FHOD3: variants seen among roughly 807,000 people sequenced by gnomAD.
FHOD3 encodes the protein FH1/FH2 domain-containing protein 3.
FHOD3 carries 90 observed loss-of-function variants against 173.0 expected under a neutral mutation model. The observed-to-expected ratio is 0.52, with a 90% CI of 0.44 to 0.62. The LOEUF (loss-of-function observed/expected upper bound fraction) is 0.62. FHOD3 is among the 20% of genes least tolerant of loss of function. The pLI, the probability that FHOD3 is intolerant of heterozygous loss-of-function variation, is 0.00. For missense variants in FHOD3, 1,945 were observed against 2,034.7 expected (o/e 0.96, Z 0.85); for synonymous variants, 828 against 823.0 (o/e 1.01, Z -0.10).
At chr18:36,544,190 T>C (rs1442424536) in intron 5 of FHOD3, among the ~76,000 whole-genome samples, 4 of 152,200 alleles carry the variant, frequency 2.6e-5, no homozygotes, top group Admixed American at 1.3e-4. Context: ...GCAGGGCTTC[T>C]GGGCAGACTG....
chr18:36,678,794 C>A (rs546420810), intron 14 of FHOD3, among the ~76,000 whole-genome samples: 1 of 151,996 alleles, frequency 6.6e-6, no homozygotes, highest in Non-Finnish European at 1.5e-5. Context: ...TCTTACATTA[C>A]CCTTACATTT....
chr18:36,549,248 CTT>C (rs769693182), intron 5 of FHOD3, among the ~76,000 whole-genome samples: 1 of 152,058 alleles, frequency 6.6e-6, no homozygotes, highest in East Asian at 1.9e-4. Context: ...TTGTTCAACT[CTT>C]TTTGCCAATT....
intron 24 of FHOD3, among the ~76,000 whole-genome samples, chr18:36,751,464 T>C (rs1334422500): frequency 1.3e-5 from 2 of 152,222 alleles, no homozygotes; most frequent in Non-Finnish European, 2.9e-5. Flanking sequence ...GAATGCGCTT[T>C]ATTTCTCCTT....
chr18:36,683,076 C>A (rs1487256822), intron 15 of FHOD3, among the ~76,000 whole-genome samples: 2 of 152,190 alleles, frequency 1.3e-5, no homozygotes, highest in Non-Finnish European at 2.9e-5. Flanking sequence ...CATTTCCCAT[C>A]AAGATAGTGT....
At chr18:36,654,884 G>A (rs1251587851) in intron 13 of FHOD3, among the ~76,000 whole-genome samples, 1 of 152,046 alleles carries the variant, frequency 6.6e-6, no homozygotes, top group Non-Finnish European at 1.5e-5. Context: ...AGGTGATTTT[G>A]GAAGGAGAAG....
At chr18:36,298,769 T>C (rs1460327836) in intron 1 of FHOD3, among the ~76,000 whole-genome samples, 1 of 151,890 alleles carries the variant, frequency 6.6e-6, no homozygotes, top group Non-Finnish European at 1.5e-5. Flanking sequence ...GTTTTTTTTT[T>C]TTTATTTGTT....
In FHOD3 at chr18:36,347,226, T is replaced by C. The variant is rs553150536; in HGVS notation, c.166-8313T>C. On this transcript the variant is annotated intron_variant, in intron 1 of 28. Transcript: ENST00000590592. ...AAATGGCAAAAGGTGCCTATAGACATAAGTAAAAAATATATTCCAGCTTTT... is the reference window on the plus strand; with the variant it reads ...AAATGGCAAAAGGTGCCTATAGACACAAGTAAAAAATATATTCCAGCTTTT... 6.4e-4 allele frequency among the ~76,000 whole-genome samples: 98 copies of C among 152,340 alleles called. 1 individual carries two copies. Among genetic ancestry groups the C allele is most frequent in the South Asian group, 1.0e-3 (5 of 4,830 alleles).
At chr18:36,594,061 C>T (rs1002961637) in intron 6 of FHOD3, among the ~76,000 whole-genome samples, 5 of 152,214 alleles carry the variant, frequency 3.3e-5, no homozygotes, top group Admixed American at 6.5e-5. Flanking sequence ...CCAAGGCTGC[C>T]GCAGCCCCAG....
chr18:36,755,165 C>T lies in FHOD3; in HGVS notation c.4279C>T (p.Arg1427Trp), dbSNP rs1218875049. 8.1e-6 allele frequency: 13 copies of T among 1,611,152 alleles called. No homozygotes were observed. The Admixed American group carries it at 1.5e-4, about 19-fold the overall frequency. The change falls in exon 25 of 29, where the codon CGG becomes TGG. Residue 1427 changes from arginine to tryptophan, a missense_variant. Physicochemically the swap from Arg to Trp is moderately radical, Grantham distance 101. Around this residue, in one of 5 missense-constraint regions of FHOD3, gnomAD observed 354 missense variants for 359.9 expected, o/e 0.98. Transcript: ENST00000590592. Reference protein sequence around the residue: ...LFMGHPPYAIREVNINKFCRI... With the variant: ...LFMGHPPYAIWEVNINKFCRI... The stretch of plus-strand genomic sequence containing the variant: ...TATGGGCCATCCACCTTATGCAATT[C>T]GGGAAGTGAACATAAACAAATTCTG...
chr18:36,491,685 T>G (rs2054481216), intron 3 of FHOD3, among the ~76,000 whole-genome samples: 1 of 149,356 alleles, frequency 6.7e-6, no homozygotes, highest in Non-Finnish European at 1.5e-5. Flanking sequence ...GTAGCCTTTT[T>G]CAGACTGGCT....
At chr18:36,767,883 A>G (rs1023498638) in intron 27 of FHOD3, among the ~76,000 whole-genome samples, 1 of 152,076 alleles carries the variant, frequency 6.6e-6, no homozygotes, top group African/African-American at 2.4e-5. Context: ...ACTGTTCCCA[A>G]CCATTTCCAT....
At chr18:36,383,242 G>A (rs1016319052) in intron 3 of FHOD3, among the ~76,000 whole-genome samples, 13 of 152,228 alleles carry the variant, frequency 8.5e-5, no homozygotes, top group East Asian at 5.8e-4. Flanking sequence ...AGGGAATTTT[G>A]GTCTGAGGAT....
intron 20 of FHOD3, among the ~76,000 whole-genome samples, chr18:36,733,751 A>G (rs2041489765): frequency 6.6e-6 from 1 of 152,186 alleles, no homozygotes; most frequent in East Asian, 1.9e-4. Context: ...TCTGACTTTC[A>G]TAGGATTTTT....
At chr18:36,759,413 G>T (rs2042775361) in intron 26 of FHOD3, among the ~76,000 whole-genome samples, 1 of 152,188 alleles carries the variant, frequency 6.6e-6, no homozygotes, top group African/African-American at 2.4e-5. Flanking sequence ...GGCAGGTTTA[G>T]CAGGTCTCTC....
At chr18:36,672,986 GC>G (rs1324768572) in intron 14 of FHOD3, among the ~76,000 whole-genome samples, 1 of 151,910 alleles carries the variant, frequency 6.6e-6, no homozygotes, top group East Asian at 1.9e-4. Flanking sequence ...ATTTGTCTTA[GC>G]CTTATCTTTA....
At chr18:36,427,094 A>C (rs1337371004) in intron 3 of FHOD3, among the ~76,000 whole-genome samples, 1 of 152,146 alleles carries the variant, frequency 6.6e-6, no homozygotes, top group Non-Finnish European at 1.5e-5. Context: ...TTCTTCCAAG[A>C]CTTAACCAAA....
chr18:36,428,835 T>A (rs1452425467), intron 3 of FHOD3, among the ~76,000 whole-genome samples: 3 of 152,178 alleles, frequency 2.0e-5, no homozygotes, highest in Non-Finnish European at 4.4e-5. Context: ...TTCTTCCTGG[T>A]CCGGTTAGCT....
chr18:36,304,268 A>G (rs2065155424), intron 1 of FHOD3, among the ~76,000 whole-genome samples: 1 of 152,234 alleles, frequency 6.6e-6, no homozygotes, highest in African/African-American at 2.4e-5. Flanking sequence ...CTGAAATTAT[A>G]TGATGTCTAG....
At chr18:36,515,463 C>A (rs556236539) in intron 5 of FHOD3, among the ~76,000 whole-genome samples, 133 of 152,258 alleles carry the variant, frequency 8.7e-4, no homozygotes, top group African/African-American at 3.0e-3. Flanking sequence ...CGTGATCACC[C>A]GCCTCTGCCT....
Sources: gnomAD v4.1 joint callset for allele counts (sites outside exome capture counted in the v4.1 genomes callset) on GRCh38, gnomAD v4.1.1 for gene constraint, gnomAD v4.1.1 regional missense constraint, MANE v1.5 for transcripts, NCBI Gene and HGNC (gene_info 2026-07-23, HGNC 2026-07-21) for gene names.